The following CCDC172 variants were observed in gnomAD, a reference collection of about 807,000 sequenced individuals.
CCDC172 encodes the protein coiled-coil domain-containing protein 172.
A neutral mutation model predicts 38.0 loss-of-function variants in CCDC172; 30 were observed. The observed-to-expected ratio is 0.79, with a 90% CI of 0.59 to 1.07. The LOEUF (loss-of-function observed/expected upper bound fraction) is 1.07. Among genes scored for constraint, CCDC172 ranks in the 50% least tolerant of loss-of-function variants. The pLI, the probability that CCDC172 is intolerant of heterozygous loss-of-function variation, is 0.00. For synonymous variants in CCDC172, 78 were observed against 88.3 expected (o/e 0.88, Z 0.66); for missense variants, 297 against 290.1 (o/e 1.02, Z -0.17).
intron 3 of CCDC172, among the ~76,000 whole-genome samples, chr10:116,326,320 T>C (rs747901771): frequency 6.6e-6 from 1 of 152,172 alleles, no homozygotes; most frequent in Non-Finnish European, 1.5e-5. Context: ...AAGAATATTA[T>C]TTAAGTGTGC....
At chr10:116,359,849 T>C (rs181897803) in intron 7 of CCDC172, among the ~76,000 whole-genome samples, 1 of 152,330 alleles carries the variant, frequency 6.6e-6, no homozygotes, top group East Asian at 1.9e-4. Flanking sequence ...TTATAACGAT[T>C]ATGGTTCATG....
At chr10:116,334,356 A>G (rs1020388518) in intron 3 of CCDC172, among the ~76,000 whole-genome samples, 1 of 152,216 alleles carries the variant, frequency 6.6e-6, no homozygotes, top group African/African-American at 2.4e-5. Flanking sequence ...TTATAAAAGT[A>G]GTGTTTATTT....
At chr10:116,338,351 G>T (rs1328237871) in intron 3 of CCDC172, among the ~76,000 whole-genome samples, 1 of 152,000 alleles carries the variant, frequency 6.6e-6, no homozygotes, top group Admixed American at 6.6e-5. Flanking sequence ...GACTCTCTGG[G>T]ACTCTTTAGA....
At chr10:116,358,999 T>C (rs1461795175) in intron 7 of CCDC172, among the ~76,000 whole-genome samples, 2 of 152,196 alleles carry the variant, frequency 1.3e-5, no homozygotes, top group African/African-American at 4.8e-5. Flanking sequence ...AAATGATGAC[T>C]TAGGAAATTT....
chr10:116,371,964 G>C (rs1006305620), intron 7 of CCDC172, among the ~76,000 whole-genome samples: 1 of 152,108 alleles, frequency 6.6e-6, no homozygotes, highest in Non-Finnish European at 1.5e-5. Context: ...CACGGGGAAA[G>C]ACTTTCACTT....
intron 5 of CCDC172, among the ~76,000 whole-genome samples, chr10:116,352,248 G>A (rs1024877511): frequency 3.3e-5 from 5 of 152,106 alleles, no homozygotes; most frequent in African/African-American, 1.2e-4. Flanking sequence ...TAGCTTACCT[G>A]CCTACTAAAA....
At chr10:116,337,005 T>C (rs1844740602) in intron 3 of CCDC172, among the ~76,000 whole-genome samples, 1 of 151,654 alleles carries the variant, frequency 6.6e-6, no homozygotes, top group Non-Finnish European at 1.5e-5. Context: ...CATTAAAAAA[T>C]CAAATATCCC....
intron 7 of CCDC172, among the ~76,000 whole-genome samples, chr10:116,374,917 A>C (rs1214582148): frequency 1.3e-5 from 2 of 151,858 alleles, no homozygotes; most frequent in African/African-American, 4.8e-5. Context: ...AATGGAAAGC[A>C]ATATCCTGTA....
In CCDC172 at chr10:116,330,167, ATTC is replaced by A. The variant is rs1375188861; in HGVS notation, c.165+4785_165+4787del. Among the ~76,000 whole-genome samples the A allele has an allele frequency of 2.6e-5, 4 of 152,342 alleles. No individual in the cohort carries two copies. The East Asian group carries it at 5.8e-4, about 22-fold the overall frequency. On this transcript the variant is annotated intron_variant, in intron 3 of 8. Transcript: ENST00000333254. ...TAAAATGTCAAGGCAAACATCTGAC[ATTC>A]TTCTTATTATTTTGCCAATGATAAT...
intron 7 of CCDC172, among the ~76,000 whole-genome samples, chr10:116,363,501 A>C (rs1009047953): frequency 6.6e-6 from 1 of 152,256 alleles, no homozygotes; most frequent in Non-Finnish European, 1.5e-5. Flanking sequence ...AAATAATTTT[A>C]TATGAATTAA....
chr10:116,353,675 G>A (rs555605875), intron 5 of CCDC172, among the ~76,000 whole-genome samples: 2 of 152,296 alleles, frequency 1.3e-5, no homozygotes, highest in South Asian at 4.1e-4. Flanking sequence ...TCCTGACCTT[G>A]TGTAGGCCTA....
intron 5 of CCDC172, among the ~76,000 whole-genome samples, chr10:116,344,395 G>A (rs1844837980): frequency 6.6e-6 from 1 of 152,168 alleles, no homozygotes; most frequent in South Asian, 2.1e-4. Context: ...GAAGACTGTA[G>A]GCAGTTGGAA....
chr10:116,372,140 CCT>C lies in CCDC172; in HGVS notation c.654-6280_654-6279del, dbSNP rs1231865218. ...CATGTAATTTCAAGTTTTGCAAAAT[CCT>C]CTGTTTCCTTCTTAGCTTGTATACA... On this transcript the variant is annotated intron_variant, in intron 7 of 8. Coordinates refer to ENST00000333254, the MANE Select transcript of CCDC172 (RefSeq NM_198515.3). Among the ~76,000 whole-genome samples, 7 of 151,996 alleles carry C rather than the reference CCT, an allele frequency of 4.6e-5. No individual in the cohort carries two copies. In the South Asian group the frequency reaches 8.3e-4, roughly 18 times the overall value.
chr10:116,374,855 C>A (rs1391986509), intron 7 of CCDC172, among the ~76,000 whole-genome samples: 1 of 148,774 alleles, frequency 6.7e-6, no homozygotes, highest in East Asian at 2.0e-4. Context: ...ATGGTTTCCA[C>A]AAGAAACTCA....
Position 116,366,379 on chromosome 10 carries a change from C to T in CCDC172, c.653+8441C>T, listed in dbSNP as rs944045018. ...CATTTACTTGTGTATATATAATTTT[C>T]TTTATAGTATTATATAACTAACTTT... On this transcript the variant is annotated intron_variant, in intron 7 of 8. Transcript: ENST00000333254. 3.3e-5 allele frequency among the ~76,000 whole-genome samples: 5 copies of T among 152,054 alleles called. No individual in the cohort carries two copies. The South Asian group carries it at 1.0e-3, about 32-fold the overall frequency.
At chr10:116,361,575 A>G (rs747564257) in intron 7 of CCDC172, among the ~76,000 whole-genome samples, 6 of 152,216 alleles carry the variant, frequency 3.9e-5, no homozygotes, top group Non-Finnish European at 8.8e-5. Context: ...TCACCACAAG[A>G]CAGGGCAATA....
intron 5 of CCDC172, 55 bp from the exon 6 acceptor site, chr10:116,357,325 G>T (rs11197637): frequency 0.058 from 66,271 of 1,142,080 alleles, 4,565 homozygotes; most frequent in East Asian, 0.31. Flanking sequence ...TTTACTTCCG[G>T]GGTTAAATTT....
At chr10:116,349,475 C>T (rs1844905305) in intron 5 of CCDC172, among the ~76,000 whole-genome samples, 1 of 152,086 alleles carries the variant, frequency 6.6e-6, no homozygotes, top group Non-Finnish European at 1.5e-5. Flanking sequence ...GATACTCCAC[C>T]CTCCCAATTC....
intron 3 of CCDC172, among the ~76,000 whole-genome samples, chr10:116,339,162 T>C (rs1372832199): frequency 6.6e-6 from 1 of 151,984 alleles, no homozygotes. Context: ...CAAAGTCTCT[T>C]TTTAGCTCTA....
Sources: gnomAD v4.1 joint callset for allele counts (sites outside exome capture counted in the v4.1 genomes callset) on GRCh38, gnomAD v4.1.1 for gene constraint, MANE v1.5 for transcripts, NCBI Gene and HGNC (gene_info 2026-07-23, HGNC 2026-07-21) for gene names.